OC90: variants seen among roughly 807,000 people sequenced by gnomAD.
OC90 encodes the protein otoconin 90.
In OC90, 46 loss-of-function variants were observed where a neutral mutation model predicts 47.3. The observed-to-expected ratio is 0.97, with a 90% CI of 0.77 to 1.24. The LOEUF is 1.24. Ranked by LOEUF, OC90 falls within the 50% of genes most tolerant of loss-of-function variation. The pLI, the probability that OC90 is intolerant of heterozygous loss-of-function variation, is 0.00. For missense variants in OC90, 688 were observed against 583.9 expected (o/e 1.18, Z -1.84); for synonymous variants, 271 against 219.5 (o/e 1.23, Z -2.07).
intron 8 of OC90, among the ~76,000 whole-genome samples, chr8:132,038,041 A>G (rs1822995186): frequency 6.6e-6 from 1 of 152,152 alleles, no homozygotes; most frequent in South Asian, 2.1e-4. Flanking sequence ...TCTGGGAGAG[A>G]GACTCCAGCT....
chr8:132,053,127 T>A (rs1278203570), intron 2 of OC90, among the ~76,000 whole-genome samples: 1 of 152,110 alleles, frequency 6.6e-6, no homozygotes, highest in East Asian at 1.9e-4. Flanking sequence ...CACTGACATT[T>A]TATGGTTCCA....
chr8:132,024,649 T>C lies in OC90; in HGVS notation c.1266A>G (p.Pro422=). The part of the protein sequence containing the change: ...SPSRLGCPGQ[P]AACEDSLHPV... Reference sequence around the variant, plus strand: ...GGTGCAGGCTGTCTTCACAGGCTGCTGGCTGCCCAGGGCACCCGAGTCTGC... The same window carrying C: ...GGTGCAGGCTGTCTTCACAGGCTGCCGGCTGCCCAGGGCACCCGAGTCTGC... The change falls in exon 14 of 14, where the codon CCA becomes CCG. Residue 422 remains proline, a synonymous_variant. Coordinates refer to ENST00000254627, the MANE Select transcript of OC90 (RefSeq NM_001080399.3). 1 of 1,613,110 alleles carries C rather than the reference T, an allele frequency of 6.2e-7. No homozygotes were observed. The highest frequency in any genetic ancestry group is 8.5e-7 in the Non-Finnish European group (1 of 1,179,664).
At chr8:132,040,236 C>T (rs904880850) in intron 6 of OC90, among the ~76,000 whole-genome samples, 1 of 152,210 alleles carries the variant, frequency 6.6e-6, no homozygotes, top group African/African-American at 2.4e-5. Context: ...CAAACCCTGG[C>T]TTTGCCCCTT....
At chr8:132,029,870 C>T (rs1008619327) in intron 12 of OC90, among the ~76,000 whole-genome samples, 3 of 152,214 alleles carry the variant, frequency 2.0e-5, no homozygotes, top group Admixed American at 2.0e-4. Context: ...TAGGGAGCTA[C>T]AGTTGCTACC....
chr8:132,024,911 T>C (rs1822733961), intron 13 of OC90, 135 bp from the exon 14 acceptor site: 2 of 684,192 alleles, frequency 2.9e-6, no homozygotes, highest in Non-Finnish European at 4.8e-6. Flanking sequence ...CCACCTTATA[T>C]GGCTGGTAAT....
chr8:132,025,158 C>A (rs182948297), intron 13 of OC90, among the ~76,000 whole-genome samples: 188 of 152,262 alleles, frequency 1.2e-3, no homozygotes, highest in African/African-American at 4.3e-3. Context: ...GTTTATGTAT[C>A]CATTTTTTAC....
In OC90 at chr8:132,024,281, C is replaced by T; in HGVS notation, c.*200G>A. The T allele has an allele frequency of 2.0e-6, 1 of 498,168 alleles. No homozygotes were observed. Among genetic ancestry groups the T allele is most frequent in the Non-Finnish European group, 3.6e-6 (1 of 281,546 alleles). 30.9% of individuals were successfully genotyped at this position (498,168 alleles called of 1,614,324 possible). The stretch of plus-strand genomic sequence containing the variant: ...AGGAGCATGGAGGTACCATGGTGTG[C>T]CTTCTCCAAGTGTACATTGGCTTGT... On this transcript the variant is annotated 3_prime_UTR_variant, in exon 14 of 14. Coordinates refer to ENST00000254627, the MANE Select transcript of OC90 (RefSeq NM_001080399.3).
At chr8:132,042,230 T>C (rs561986773) in intron 4 of OC90, among the ~76,000 whole-genome samples, 46 of 152,278 alleles carry the variant, frequency 3.0e-4, no homozygotes, top group African/African-American at 1.1e-3. Context: ...AAGTCTAAAG[T>C]TGAAAAAACA....
chr8:132,036,888 C>T (rs1586709465), intron 9 of OC90, among the ~76,000 whole-genome samples: 1 of 152,310 alleles, frequency 6.6e-6, no homozygotes, highest in Non-Finnish European at 1.5e-5. Context: ...AGTATCCAGC[C>T]TATGATTTGA....
intron 2 of OC90, among the ~76,000 whole-genome samples, chr8:132,048,826 G>T (rs12674562): frequency 2.0e-5 from 3 of 151,380 alleles, no homozygotes; most frequent in African/African-American, 7.4e-5. Context: ...GGCCAACTTC[G>T]TCACAAGGGA....
At chr8:132,037,773 A>T (rs1822991508) in intron 8 of OC90, among the ~76,000 whole-genome samples, 1 of 152,172 alleles carries the variant, frequency 6.6e-6, no homozygotes, top group South Asian at 2.1e-4. Flanking sequence ...TGAAAACCCC[A>T]AAGATATCCC....
intron 1 of OC90, 62 bp from the exon 2 acceptor site, chr8:132,055,135 T>C (rs776769434): frequency 6.5e-5 from 59 of 907,042 alleles, no homozygotes; most frequent in Non-Finnish European, 9.6e-5. Context: ...AAAGAACCCA[T>C]GGGACCCCCA....
chr8:132,031,738 G>T, intron 12 of OC90, 143 bp downstream of exon 12: 1 of 652,084 alleles, frequency 1.5e-6, no homozygotes, highest in Non-Finnish European at 2.6e-6. Context: ...ATGCTGTAGA[G>T]CCACCTGAGT....
intron 12 of OC90, among the ~76,000 whole-genome samples, chr8:132,031,453 C>T (rs187206009): frequency 1.3e-5 from 2 of 152,258 alleles, no homozygotes; most frequent in African/African-American, 4.8e-5. Flanking sequence ...ACTTAAAAGG[C>T]TAATTTTAAT....
In OC90 at chr8:132,041,542, A is replaced by G; in HGVS notation, c.327T>C (p.Pro109=). ...CTCRFEMEGL[P]VDESDSCCFQ... ...TCACTTACCTGTCAGATTCATCCAC[A>G]GGCAACCCTTCCATCTCAAACCTGC... Residue 109 remains proline (P), a synonymous_variant, in exon 5 of 14, where the codon CCT becomes CCC. Coordinates refer to ENST00000254627, the MANE Select transcript of OC90 (RefSeq NM_001080399.3). 1 of 1,611,778 alleles carries G rather than the reference A, an allele frequency of 6.2e-7. No individual in the cohort carries two copies. Among genetic ancestry groups the G allele is most frequent in the Non-Finnish European group, 8.5e-7 (1 of 1,179,026 alleles).
intron 2 of OC90, among the ~76,000 whole-genome samples, chr8:132,048,559 C>G (rs1020549639): frequency 2.0e-5 from 3 of 151,466 alleles, no homozygotes; most frequent in African/African-American, 4.9e-5. Context: ...TCTAATGACT[C>G]TATGCAACTT....
intron 11 of OC90, 30 bp downstream of exon 11, chr8:132,033,009 G>C (rs752722451): frequency 6.2e-7 from 1 of 1,600,066 alleles, no homozygotes; most frequent in South Asian, 1.1e-5. Flanking sequence ...GATCCCAGCA[G>C]CGGAGAGGAC....
At chr8:132,041,789 G>A in intron 4 of OC90, 90 bp from the exon 5 acceptor site, 1 of 696,714 alleles carries the variant, frequency 1.4e-6, no homozygotes, top group Non-Finnish European at 2.4e-6. Context: ...ACCTCAGGCT[G>A]ATGGTGCCTT....
Position 132,059,362 on chromosome 8 carries a change from C to A in OC90, c.-69G>T, listed in dbSNP as rs1823317385. On this transcript the variant is annotated 5_prime_UTR_variant, in exon 1 of 14. Transcript: ENST00000254627. Reference sequence around the variant, plus strand: ...CTACCGTGAAGGCTCCACTGGAGTGCAGCTGGATGAATGATGCTAGGGTTT... The same window carrying A: ...CTACCGTGAAGGCTCCACTGGAGTGAAGCTGGATGAATGATGCTAGGGTTT... 6.6e-6 allele frequency: 1 copy of A among 150,388 alleles called. No homozygotes were observed. The highest frequency in any genetic ancestry group is 1.5e-5 in the Non-Finnish European group (1 of 67,684). The allele number at this position is 150,388 out of a possible 1,614,324, so 9.3% of individuals were successfully genotyped here.
Sources: allele counts gnomAD v4.1 joint callset (sites outside exome capture counted in the v4.1 genomes callset), GRCh38; gene constraint gnomAD v4.1.1; transcripts MANE v1.5; gene names NCBI Gene and HGNC (gene_info 2026-07-23, HGNC 2026-07-21).